Variants in TSPAN9 observed in about 807,000 individuals in gnomAD.
TSPAN9 encodes tetraspanin-9.
TSPAN9 carries 16 observed loss-of-function variants against 31.0 expected under a neutral mutation model. The ratio of observed to expected loss-of-function variants is 0.52; its 90% CI spans 0.35 to 0.78. The LOEUF (loss-of-function observed/expected upper bound fraction) is 0.78. TSPAN9 is among the 30% of genes least tolerant of loss of function. TSPAN9 has a pLI of 0.01. For synonymous variants in TSPAN9, 145 were observed against 121.6 expected (o/e 1.19, Z -1.27); for missense variants, 272 against 312.5 (o/e 0.87, Z 0.98).
intron 2 of TSPAN9, among the ~76,000 whole-genome samples, chr12:3,179,601 A>G (rs2098357661): frequency 6.6e-6 from 1 of 152,190 alleles, no homozygotes; most frequent in East Asian, 1.9e-4. Flanking sequence ...TTGGTTTACA[A>G]TTGGTTTTCT....
intron 2 of TSPAN9, among the ~76,000 whole-genome samples, chr12:3,100,093 C>T (rs1316797467): frequency 6.6e-6 from 1 of 152,128 alleles, no homozygotes. Context: ...ATCCGCCCGC[C>T]TCGGCCTCCC....
intron 3 of TSPAN9, among the ~76,000 whole-genome samples, chr12:3,258,300 C>A (rs923624603): frequency 2.0e-5 from 3 of 152,096 alleles, no homozygotes; most frequent in African/African-American, 7.2e-5. Context: ...GAAGGGAGAG[C>A]CTTGGCGAGA....
intron 3 of TSPAN9, among the ~76,000 whole-genome samples, chr12:3,250,965 TCCTTTCTGCCTCCTCCCGCTTCTG>T (rs1862235596): frequency 6.6e-6 from 1 of 152,218 alleles, no homozygotes; most frequent in Admixed American, 6.5e-5. Flanking sequence ...CTCTCTCTTC[TCCTTTCTGCCTCCTCCCGCTTCTG>T]CCTTTCTTCC....
At chr12:3,268,156 G>GTGCGTTCC (rs879824660) in intron 3 of TSPAN9, among the ~76,000 whole-genome samples, 32,558 of 140,684 alleles carry the variant, frequency 0.23, 10,054 homozygotes, top group Non-Finnish European at 0.31. Flanking sequence ...CCTGCCCTCC[G>GTGCGTTCC]TGCATTCCTG....
At position 3,281,350 on chromosome 12, in the gene TSPAN9, C is replaced by A. The variant is rs71577842; in HGVS notation, c.564+21C>A. On this transcript the variant is annotated intron_variant, in intron 7 of 8. Coordinates refer to ENST00000011898, the MANE Select transcript of TSPAN9 (RefSeq NM_006675.5). ...GAACGGTGAGGCTGGGGATGGACCG[C>A]TTGGGTCCAAGAGCCCGTGTGTGGA... 4,241 of 1,542,394 alleles carry A rather than the reference C, an allele frequency of 2.7e-3. 11 individuals are homozygous for A. The highest frequency in any genetic ancestry group is 3.5e-3 in the Non-Finnish European group (4,002 of 1,142,054).
intron 2 of TSPAN9, among the ~76,000 whole-genome samples, chr12:3,152,131 G>A (rs1472941552): frequency 6.6e-6 from 1 of 152,174 alleles, no homozygotes; most frequent in Non-Finnish European, 1.5e-5. Context: ...TGGGGAGTCT[G>A]ACCAGCTTGG....
chr12:3,178,714 C>T (rs774695557), intron 2 of TSPAN9, among the ~76,000 whole-genome samples: 9 of 152,156 alleles, frequency 5.9e-5, no homozygotes, highest in Non-Finnish European at 8.8e-5. Flanking sequence ...GTCAACGAGA[C>T]GGGTGGTGTA....
In TSPAN9 at chr12:3,226,769, TATATATATATA is replaced by T. The variant is rs1565622539; in HGVS notation, c.63+25514_63+25524del. ...GTATATATATATATATATATATATA[TATATATATATA>T]TATATATATATATATTTTTTTTTTT... is the stretch of plus-strand genomic sequence containing the variant. On this transcript the variant is annotated intron_variant, in intron 3 of 8. Transcript: ENST00000011898. 4.9e-3 allele frequency among the ~76,000 whole-genome samples: 18 copies of T among 3,672 alleles called. 2 individuals are homozygous for T. The highest frequency in any genetic ancestry group is 8.6e-3 in the Non-Finnish European group (12 of 1,400). 2.4% of individuals were successfully genotyped at this position (3,672 alleles called of 152,430 possible). A position where few individuals can be genotyped will look rare whatever the true frequency, so the allele number is the denominator to read the frequency against.
At chr12:3,243,588 A>G (rs2098397764) in intron 3 of TSPAN9, among the ~76,000 whole-genome samples, 2 of 152,188 alleles carry the variant, frequency 1.3e-5, no homozygotes, top group Non-Finnish European at 2.9e-5. Flanking sequence ...AGATCACGGC[A>G]CAGGAAGCTT....
intron 3 of TSPAN9, among the ~76,000 whole-genome samples, chr12:3,242,960 G>A (rs1459649541): frequency 6.6e-6 from 1 of 152,212 alleles, no homozygotes; most frequent in East Asian, 1.9e-4. Context: ...CCTGTGGCAG[G>A]GCATCCAGAC....
chr12:3,167,018 G>C (rs548641482), intron 2 of TSPAN9, among the ~76,000 whole-genome samples: 34 of 151,824 alleles, frequency 2.2e-4, no homozygotes, highest in Admixed American at 3.9e-4. Context: ...GCTGGTCTCG[G>C]ACTCCTGACC....
At chr12:3,096,892 G>A (rs2098309368) in intron 2 of TSPAN9, among the ~76,000 whole-genome samples, 1 of 152,038 alleles carries the variant, frequency 6.6e-6, no homozygotes, top group South Asian at 2.1e-4. Context: ...TAGAGACGGG[G>A]TTTCACCATG....
intron 3 of TSPAN9, among the ~76,000 whole-genome samples, chr12:3,227,468 C>T (rs2098388452): frequency 6.6e-6 from 1 of 152,172 alleles, no homozygotes; most frequent in African/African-American, 2.4e-5. Flanking sequence ...CCTGAAGGGA[C>T]AAAGCTGTTT....
chr12:3,166,486 G>T (rs891242683), intron 2 of TSPAN9, among the ~76,000 whole-genome samples: 2 of 152,220 alleles, frequency 1.3e-5, no homozygotes, highest in South Asian at 2.1e-4. Context: ...TATACATATA[G>T]ATGATCAGTG....
At chr12:3,105,110 T>C (rs950758953) in intron 2 of TSPAN9, among the ~76,000 whole-genome samples, 1 of 152,208 alleles carries the variant, frequency 6.6e-6, no homozygotes, top group African/African-American at 2.4e-5. Context: ...GTGCCCCGTC[T>C]GCGCACAGCA....
At chr12:3,082,987 G>A (rs2098298677) in intron 1 of TSPAN9, among the ~76,000 whole-genome samples, 1 of 152,200 alleles carries the variant, frequency 6.6e-6, no homozygotes, top group African/African-American at 2.4e-5. Flanking sequence ...TGTATCCACA[G>A]CAATATTTGT....
At chr12:3,233,097 G>T (rs1232782253) in intron 3 of TSPAN9, among the ~76,000 whole-genome samples, 1 of 152,188 alleles carries the variant, frequency 6.6e-6, no homozygotes, top group African/African-American at 2.4e-5. Context: ...CAGAGAACTT[G>T]AGACTTTGCT....
At chr12:3,105,733 C>T (rs1290939543) in intron 2 of TSPAN9, among the ~76,000 whole-genome samples, 21 of 150,584 alleles carry the variant, frequency 1.4e-4, no homozygotes, top group East Asian at 2.0e-4. Context: ...TGTGCACGCG[C>T]GTGCACACAC....
intron 3 of TSPAN9, among the ~76,000 whole-genome samples, chr12:3,242,013 T>A (rs189787228): frequency 6.9e-4 from 105 of 152,330 alleles, no homozygotes; most frequent in Non-Finnish European, 7.3e-4. Flanking sequence ...TTCCTTTTCC[T>A]CTGAGTGGGG....
Sources: gnomAD v4.1 joint callset for allele counts (sites outside exome capture counted in the v4.1 genomes callset) on GRCh38, gnomAD v4.1.1 for gene constraint, MANE v1.5 for transcripts, NCBI Gene and HGNC (gene_info 2026-07-23, HGNC 2026-07-21) for gene names.